LRRIQ1: variants seen among roughly 807,000 people sequenced by gnomAD.
The protein encoded by LRRIQ1 is leucine rich repeats and IQ motif containing 1.
A neutral mutation model predicts 211.9 loss-of-function variants in LRRIQ1; 210 were observed. That is an observed-to-expected ratio of 0.99 (90% confidence interval 0.89 to 1.11). The LOEUF is 1.11. Ranked by LOEUF, LRRIQ1 falls within the 50% of genes most tolerant of loss-of-function variation. The pLI, the probability that LRRIQ1 is intolerant of heterozygous loss-of-function variation, is 0.00. For missense variants in LRRIQ1, 2,136 were observed against 1,939.5 expected (o/e 1.10, Z -1.90); for synonymous variants, 699 against 650.1 (o/e 1.08, Z -1.14).
intron 23 of LRRIQ1, among the ~76,000 whole-genome samples, chr12:85,158,790 G>T (rs1181065665): frequency 1.3e-5 from 2 of 151,750 alleles, no homozygotes; most frequent in African/African-American, 4.8e-5. Context: ...AGACTTAAGT[G>T]TACAAAACTG....
chr12:85,055,715 A>G lies in LRRIQ1; in HGVS notation c.922A>G (p.Lys308Glu). Residue 308 changes from lysine (K) to glutamate (E), a missense_variant, in exon 8 of 27, where the codon AAA becomes GAA. Lys to Glu is a moderately conservative substitution (Grantham distance 56). Transcript: ENST00000393217. ...VAYQKYGPII[K>E]EQIESKKRKA... The stretch of plus-strand genomic sequence containing the variant: ...CTATCAAAAATATGGCCCAATTATT[A>G]AAGAGCAAATTGAAAGTAAGAAAAG... 1.2e-6 allele frequency: 2 copies of G among 1,607,900 alleles called. No homozygotes were observed. The highest frequency in any genetic ancestry group is 1.7e-6 in the Non-Finnish European group (2 of 1,178,110).
intron 24 of LRRIQ1, among the ~76,000 whole-genome samples, chr12:85,188,562 A>G (rs952961117): frequency 1.3e-5 from 2 of 152,138 alleles, no homozygotes; most frequent in African/African-American, 4.8e-5. Flanking sequence ...GAGTACTCAT[A>G]AGACTGACAT....
At chr12:85,149,120 A>G (rs1222014621) in intron 19 of LRRIQ1, among the ~76,000 whole-genome samples, 1 of 151,936 alleles carries the variant, frequency 6.6e-6, no homozygotes, top group African/African-American at 2.4e-5. Flanking sequence ...CTCTGATGAT[A>G]GTTTCTTTTG....
Position 85,121,791 on chromosome 12 carries a change from C to G in LRRIQ1, c.3472C>G (p.Leu1158Val), listed in dbSNP as rs1301756899. The G allele has an allele frequency of 1.2e-6, 2 of 1,608,246 alleles. No individual in the cohort carries two copies. Among genetic ancestry groups the G allele is most frequent in the Non-Finnish European group, 1.7e-6 (2 of 1,177,248 alleles). ...AAGCCGCACTGAAGAACACAATCAA[C>G]TGGGATCAGCAGGTTTCCTGGCACT... ...SESRTEEHNQLGSAGFLALCQ... is the reference protein window; with the variant it reads ...SESRTEEHNQVGSAGFLALCQ... Residue 1158 changes from leucine to valine, a missense_variant, in exon 16 of 27, where the codon CTG becomes GTG. Coordinates refer to ENST00000393217, the MANE Select transcript of LRRIQ1 (RefSeq NM_001079910.2).
In LRRIQ1 at chr12:85,103,973, A is replaced by G. The variant is rs1262844322; in HGVS notation, c.3210-31A>G. The G allele has an allele frequency of 2.1e-6, 3 of 1,406,410 alleles. No homozygotes were observed. In the African/African-American group the frequency reaches 4.3e-5, roughly 20 times the overall value. 87.1% of individuals were successfully genotyped at this position (1,406,410 alleles called of 1,614,324 possible). On this transcript the variant is annotated intron_variant, in intron 13 of 26. Coordinates refer to ENST00000393217, the MANE Select transcript of LRRIQ1 (RefSeq NM_001079910.2). ...AACATTAAGGACTTTCCAATTTAGA[A>G]TTTTGATGAAGTTTTTGTTTTTGTT...
chr12:85,269,569 T>C, the LRRIQ1 span, among the ~76,000 whole-genome samples: 1 of 152,008 alleles, frequency 6.6e-6, no homozygotes, highest in African/African-American at 2.4e-5. Context: ...TGAATCTGCT[T>C]CCAAGTATAG....
At chr12:85,241,541 T>G (rs545175333) in intron 26 of LRRIQ1, among the ~76,000 whole-genome samples, 3 of 151,990 alleles carry the variant, frequency 2.0e-5, no homozygotes, top group African/African-American at 7.2e-5. Context: ...ATTCTAACAG[T>G]TAAAATAAAT....
chr12:85,261,713 TAA>T (rs1896293219), intron 1 of LRRIQ1, among the ~76,000 whole-genome samples: 1 of 151,974 alleles, frequency 6.6e-6, no homozygotes, highest in Non-Finnish European at 1.5e-5. Flanking sequence ...TGCTCTTGCT[TAA>T]TCCTAAGGGG....
intron 19 of LRRIQ1, among the ~76,000 whole-genome samples, chr12:85,151,823 A>C (rs1051253816): frequency 6.6e-6 from 1 of 151,664 alleles, no homozygotes; most frequent in East Asian, 1.9e-4. Flanking sequence ...TACTCTATTC[A>C]GAAAATTTGT....
At chr12:85,228,297 A>T (rs537576686) in intron 24 of LRRIQ1, among the ~76,000 whole-genome samples, 1 of 152,282 alleles carries the variant, frequency 6.6e-6, no homozygotes, top group African/African-American at 2.4e-5. Context: ...AATATCCAGA[A>T]TCTACAAAGA....
chr12:85,178,726 T>C (rs985009667), intron 24 of LRRIQ1, among the ~76,000 whole-genome samples: 1 of 151,996 alleles, frequency 6.6e-6, no homozygotes, highest in African/African-American at 2.4e-5. Flanking sequence ...CTTCTCCATC[T>C]ATTCCTGTTC....
intron 11 of LRRIQ1, among the ~76,000 whole-genome samples, chr12:85,078,718 T>C (rs1358605650): frequency 6.6e-6 from 1 of 152,176 alleles, no homozygotes; most frequent in East Asian, 1.9e-4. Flanking sequence ...TCTTATATAA[T>C]TAAACGAGCT....
intron 26 of LRRIQ1, among the ~76,000 whole-genome samples, chr12:85,236,279 T>C (rs1045852152): frequency 6.6e-6 from 1 of 152,190 alleles, no homozygotes; most frequent in African/African-American, 2.4e-5. Context: ...TTAAATTAAA[T>C]ATCTCTTTCT....
intron 8 of LRRIQ1, among the ~76,000 whole-genome samples, chr12:85,059,509 C>G (rs1881531393): frequency 6.6e-6 from 1 of 151,934 alleles, no homozygotes; most frequent in East Asian, 1.9e-4. Context: ...GAGAAATGAT[C>G]ATACTTTATA....
intron 8 of LRRIQ1, among the ~76,000 whole-genome samples, chr12:85,058,795 C>G (rs1472617095): frequency 6.6e-6 from 1 of 151,872 alleles, no homozygotes; most frequent in Non-Finnish European, 1.5e-5. Flanking sequence ...GGTGATCCAC[C>G]CATTCTCCAT....
intron 1 of LRRIQ1, among the ~76,000 whole-genome samples, chr12:85,037,813 C>T (rs970791122): frequency 6.6e-6 from 1 of 152,048 alleles, no homozygotes; most frequent in South Asian, 2.1e-4. Flanking sequence ...AACAACAACA[C>T]ATATTACATT....
chr12:85,106,141 G>T (rs1169535963), intron 14 of LRRIQ1, among the ~76,000 whole-genome samples: 1 of 151,992 alleles, frequency 6.6e-6, no homozygotes, highest in Non-Finnish European at 1.5e-5. Context: ...AATCTATTTT[G>T]TTGTATATAC....
intron 18 of LRRIQ1, among the ~76,000 whole-genome samples, chr12:85,133,285 G>T (rs776570446): frequency 7.2e-5 from 11 of 151,974 alleles, no homozygotes; most frequent in Non-Finnish European, 1.5e-4. Flanking sequence ...GAATTTTGTA[G>T]GTTGGGTAAA....
chr12:85,043,788 C>T (rs1229561236), intron 3 of LRRIQ1, among the ~76,000 whole-genome samples: 2 of 152,132 alleles, frequency 1.3e-5, no homozygotes, highest in African/African-American at 4.8e-5. Flanking sequence ...TCAGAAGCTG[C>T]TGTCTGCTAT....
Sources: gnomAD v4.1 joint callset for allele counts (sites outside exome capture counted in the v4.1 genomes callset) on GRCh38, gnomAD v4.1.1 for gene constraint, MANE v1.5 for transcripts, NCBI Gene and HGNC (gene_info 2026-07-23, HGNC 2026-07-21) for gene names.